METTL15: variants seen among roughly 807,000 people sequenced by gnomAD.
METTL15 encodes 12S rRNA N(4)-cytidine methyltransferase METTL15.
Under a neutral mutation model 38.3 loss-of-function variants are expected in METTL15, and 34 were observed. The observed-to-expected ratio is 0.89, with a 90% CI of 0.68 to 1.18. METTL15 has a LOEUF of 1.18. Ranked by LOEUF, METTL15 falls within the 50% of genes most tolerant of loss-of-function variation. METTL15 has a pLI of 0.00. For synonymous variants in METTL15, 162 were observed against 170.9 expected (o/e 0.95, Z 0.41); for missense variants, 438 against 498.4 (o/e 0.88, Z 1.15).
At position 28,250,713 on chromosome 11, in the gene METTL15, T is replaced by G. The variant is rs1464320319; in HGVS notation, c.408-39493T>G. Among the ~76,000 whole-genome samples the G allele has an allele frequency of 2.0e-5, 3 of 152,190 alleles. No homozygotes were observed. The East Asian group carries it at 5.8e-4, about 29-fold the overall frequency. On this transcript the variant is annotated intron_variant, in intron 4 of 6. Coordinates refer to ENST00000407364, the MANE Select transcript of METTL15 (RefSeq NM_001113528.2). ...TTCAAAAGCCAAATCAACCTTCTCTTAGTTGGTTCTCTTTGTCCAGAAAAT... is the reference window on the plus strand; with the variant it reads ...TTCAAAAGCCAAATCAACCTTCTCTGAGTTGGTTCTCTTTGTCCAGAAAAT...
chr11:28,346,094 T>C (rs528870850), intron 3 of METTL15, among the ~76,000 whole-genome samples: 2 of 152,364 alleles, frequency 1.3e-5, no homozygotes, highest in East Asian at 1.9e-4. Flanking sequence ...TCAGTTAAGC[T>C]ACGTCCTGTA....
At chr11:28,182,868 T>C (rs1211175371) in intron 3 of METTL15, among the ~76,000 whole-genome samples, 5 of 152,098 alleles carry the variant, frequency 3.3e-5, no homozygotes, top group Non-Finnish European at 5.9e-5. Context: ...TTTTACGATA[T>C]TGATTCTTCC....
intron 5 of METTL15, among the ~76,000 whole-genome samples, chr11:28,414,261 A>G (rs1238394097): frequency 1.3e-5 from 2 of 152,148 alleles, no homozygotes; most frequent in Non-Finnish European, 1.5e-5. Context: ...AGCAAGGAGC[A>G]GGAAACATAC....
intron 6 of METTL15, among the ~76,000 whole-genome samples, chr11:28,504,279 T>C (rs768850080): frequency 4.0e-5 from 6 of 148,614 alleles, no homozygotes; most frequent in Non-Finnish European, 7.4e-5. Flanking sequence ...GCAGGTAATA[T>C]AAATGCATGA....
chr11:28,140,080 G>A (rs1399769950), intron 3 of METTL15, among the ~76,000 whole-genome samples: 1 of 152,188 alleles, frequency 6.6e-6, no homozygotes, highest in African/African-American at 2.4e-5. Context: ...AGGGAAGCAG[G>A]GAGGATGGGT....
chr11:28,523,653 A>G (rs993712991), intron 6 of METTL15, among the ~76,000 whole-genome samples: 2 of 152,240 alleles, frequency 1.3e-5, no homozygotes, highest in African/African-American at 4.8e-5. Flanking sequence ...ATGAGGTACT[A>G]TCTACATATA....
At chr11:28,292,972 T>C (rs1413491836) in intron 5 of METTL15, among the ~76,000 whole-genome samples, 2 of 152,114 alleles carry the variant, frequency 1.3e-5, no homozygotes, top group Non-Finnish European at 2.9e-5. Context: ...GTCAGATGAG[T>C]AGGTTGCAAA....
At chr11:28,395,903 C>T (rs1191448972) in intron 5 of METTL15, among the ~76,000 whole-genome samples, 1 of 152,140 alleles carries the variant, frequency 6.6e-6, no homozygotes, top group East Asian at 1.9e-4. Flanking sequence ...CCACCATGAT[C>T]AAGTGGGCTT....
At chr11:28,343,373 A>G (rs1313128175) in intron 3 of METTL15, among the ~76,000 whole-genome samples, 1 of 152,252 alleles carries the variant, frequency 6.6e-6, no homozygotes, top group Non-Finnish European at 1.5e-5. Context: ...GAAATGTCAC[A>G]TTAACCTGTT....
intron 1 of METTL15, among the ~76,000 whole-genome samples, chr11:28,109,552 A>G (rs1475370493): frequency 6.6e-6 from 1 of 152,226 alleles, no homozygotes; most frequent in African/African-American, 2.4e-5. Flanking sequence ...CTTGAACTAT[A>G]CAGGCAAGGC....
intron 6 of METTL15, among the ~76,000 whole-genome samples, chr11:28,507,354 A>G (rs1851636674): frequency 6.6e-6 from 1 of 152,022 alleles, no homozygotes; most frequent in African/African-American, 2.4e-5. Flanking sequence ...AAACAACCAG[A>G]TCTCCTAAGA....
At chr11:28,426,538 A>T (rs1250600283) in intron 6 of METTL15, among the ~76,000 whole-genome samples, 2 of 151,848 alleles carry the variant, frequency 1.3e-5, no homozygotes, top group Non-Finnish European at 2.9e-5. Context: ...CATTCCCACT[A>T]AAAGTGTAAA....
intron 6 of METTL15, among the ~76,000 whole-genome samples, chr11:28,519,534 G>T (rs185939397): frequency 1.3e-5 from 2 of 148,690 alleles, no homozygotes; most frequent in East Asian, 4.0e-4. Context: ...CAGCCTGGGC[G>T]ACAGAGTGAG....
intron 6 of METTL15, among the ~76,000 whole-genome samples, chr11:28,429,774 GCCACCCCGTCTGGGA>G (rs1850898702): frequency 2.1e-5 from 1 of 48,540 alleles, no homozygotes; most frequent in Non-Finnish European, 4.0e-5. Flanking sequence ...CTGCCCGGCC[GCCACCCCGTCTGGGA>G]AGTGAGGAGC....
intron 3 of METTL15, among the ~76,000 whole-genome samples, chr11:28,148,533 A>T (rs536562689): frequency 6.6e-6 from 1 of 151,932 alleles, no homozygotes; most frequent in South Asian, 2.1e-4. Flanking sequence ...TTAATTCTGT[A>T]ATATTGGGTC....
In METTL15 at chr11:28,288,489, A is replaced by G. The variant is rs142903153; in HGVS notation, c.408-1717A>G. 3.4e-3 allele frequency among the ~76,000 whole-genome samples: 513 copies of G among 152,350 alleles called. 3 individuals are homozygous for G. Among genetic ancestry groups the G allele is most frequent in the Middle Eastern group, 0.014 (4 of 294 alleles). Reference sequence around the variant, plus strand: ...ATGCAATACTAAGCAGCCATAAAACAGAATGAGAACATGGCCTTTGCAGGA... The same window carrying G: ...ATGCAATACTAAGCAGCCATAAAACGGAATGAGAACATGGCCTTTGCAGGA... On this transcript the variant is annotated intron_variant, in intron 4 of 6. Coordinates refer to ENST00000407364, the MANE Select transcript of METTL15 (RefSeq NM_001113528.2).
chr11:28,184,493 A>G (rs1851420733), intron 3 of METTL15, among the ~76,000 whole-genome samples: 1 of 151,836 alleles, frequency 6.6e-6, no homozygotes. Context: ...GAACATCTTT[A>G]TTTCTGCCTT....
chr11:28,375,320 A>ATTGATT (rs1292318910), intron 5 of METTL15, among the ~76,000 whole-genome samples: 1 of 150,982 alleles, frequency 6.6e-6, no homozygotes, highest in Non-Finnish European at 1.5e-5. Context: ...TTGGTAAGCT[A>ATTGATT]TTGATTATTG....
At chr11:28,188,322 G>T (rs1257959356) in intron 3 of METTL15, among the ~76,000 whole-genome samples, 1 of 151,104 alleles carries the variant, frequency 6.6e-6, no homozygotes, top group Non-Finnish European at 1.5e-5. Flanking sequence ...GGCATATATA[G>T]TATTACATTT....
Sources: gnomAD v4.1 joint callset for allele counts (sites outside exome capture counted in the v4.1 genomes callset) on GRCh38, gnomAD v4.1.1 for gene constraint, MANE v1.5 for transcripts, NCBI Gene and HGNC (gene_info 2026-07-23, HGNC 2026-07-21) for gene names.